Variants in EHHADH observed in about 807,000 individuals in gnomAD.
EHHADH encodes the protein enoyl-CoA hydratase and 3-hydroxyacyl CoA dehydrogenase.
A neutral mutation model predicts 64.4 loss-of-function variants in EHHADH; 48 were observed. The observed-to-expected ratio is 0.75, with a 90% CI of 0.59 to 0.95. The LOEUF is 0.95. EHHADH is among the 40% of genes least tolerant of loss of function. The pLI, the probability that EHHADH is intolerant of heterozygous loss-of-function variation, is 0.00. For synonymous variants in EHHADH, 308 were observed against 326.7 expected, an observed-to-expected ratio of 0.94 and a Z score of 0.62; for missense variants, 854 against 876.6, an observed-to-expected ratio of 0.97 and a Z score of 0.33.
At chr3:185,211,093 C>A (rs1718528937) in intron 5 of EHHADH, among the ~76,000 whole-genome samples, 1 of 152,174 alleles carries the variant, frequency 6.6e-6, no homozygotes, top group Non-Finnish European at 1.5e-5. Flanking sequence ...CTTGCTACAG[C>A]TATAACTAAG....
chr3:185,229,064 G>T (rs1413876512), intron 4 of EHHADH, among the ~76,000 whole-genome samples: 1 of 152,146 alleles, frequency 6.6e-6, no homozygotes, highest in Non-Finnish European at 1.5e-5. Context: ...CCAAAGTGCT[G>T]GGATTACAGG....
intron 4 of EHHADH, among the ~76,000 whole-genome samples, chr3:185,221,597 T>C (rs1321160387): frequency 8.2e-6 from 1 of 122,596 alleles, no homozygotes; most frequent in East Asian, 2.2e-4. Flanking sequence ...TTTTTTGAGA[T>C]GGAGTCTCAC....
intron 5 of EHHADH, among the ~76,000 whole-genome samples, chr3:185,206,482 T>C (rs559810134): frequency 6.6e-6 from 1 of 152,058 alleles, no homozygotes; most frequent in African/African-American, 2.4e-5. Context: ...AAACAAGAAA[T>C]CAGACTTCAT....
chr3:185,199,217 T>C (rs181555426), intron 6 of EHHADH, among the ~76,000 whole-genome samples: 133 of 152,312 alleles, frequency 8.7e-4, no homozygotes, highest in African/African-American at 3.1e-3. Flanking sequence ...AGAAATATTT[T>C]AAGCAAAGGC....
At chr3:185,230,008 A>G (rs749578913) in intron 3 of EHHADH, among the ~76,000 whole-genome samples, 2 of 152,244 alleles carry the variant, frequency 1.3e-5, no homozygotes, top group African/African-American at 2.4e-5. Flanking sequence ...AAAAATGGGC[A>G]AACGATCTGG....
intron 6 of EHHADH, among the ~76,000 whole-genome samples, chr3:185,194,084 A>C (rs994710851): frequency 6.6e-6 from 1 of 152,234 alleles, no homozygotes; most frequent in Non-Finnish European, 1.5e-5. Context: ...CCTAAAATTC[A>C]CATAGAAATG....
intron 2 of EHHADH, among the ~76,000 whole-genome samples, chr3:185,238,430 A>G (rs1256908265): frequency 6.6e-6 from 1 of 151,966 alleles, no homozygotes; most frequent in African/African-American, 2.4e-5. Context: ...TTGTTGTTTT[A>G]CTTTTTAATA....
intron 1 of EHHADH, among the ~76,000 whole-genome samples, chr3:185,251,918 G>A (rs1362103946): frequency 6.6e-6 from 1 of 152,102 alleles, no homozygotes; most frequent in South Asian, 2.1e-4. Context: ...TGTTTTTGGG[G>A]CTTGAACAGG....
intron 4 of EHHADH, 36 bp from the exon 5 acceptor site, chr3:185,218,276 A>C: frequency 6.8e-7 from 1 of 1,477,934 alleles, no homozygotes; most frequent in Non-Finnish European, 9.4e-7. Context: ...CAACAAATCA[A>C]AGAGCGATGT....
intron 1 of EHHADH, among the ~76,000 whole-genome samples, chr3:185,249,309 T>C (rs1005255257): frequency 2.6e-5 from 4 of 152,180 alleles, no homozygotes; most frequent in African/African-American, 9.6e-5. Flanking sequence ...TTTGTATTTT[T>C]AGTAGAGACG....
At chr3:185,206,786 C>T (rs1250967991) in intron 5 of EHHADH, among the ~76,000 whole-genome samples, 4 of 151,860 alleles carry the variant, frequency 2.6e-5, no homozygotes, top group African/African-American at 7.3e-5. Context: ...CGAGATCATG[C>T]CATTGCACTC....
At chr3:185,245,577 G>T in intron 2 of EHHADH, 1 of 794,516 alleles carries the variant, frequency 1.3e-6, no homozygotes, top group Non-Finnish European at 2.2e-6. Context: ...AATAAGAGTT[G>T]CATGTCCTTC....
At position 185,193,039 on chromosome 3, in the gene EHHADH, G is replaced by C. The variant is rs750531920; in HGVS notation, c.1359C>G (p.Pro453=). The C allele has an allele frequency of 6.2e-7, 1 of 1,614,222 alleles. No individual in the cohort carries two copies. The highest frequency in any genetic ancestry group is 8.5e-7 in the Non-Finnish European group (1 of 1,180,036). Residue 453 remains proline (P), a synonymous_variant, in exon 7 of 7, where the codon CCC becomes CCG. Transcript: ENST00000231887. Reference sequence around the variant, plus strand: ...AGTTCATAACAGTGGCAATGGTAGTGGGGGAAGAGTATTGGCTGGGAATAA... The same window carrying C: ...AGTTCATAACAGTGGCAATGGTAGTCGGGGAAGAGTATTGGCTGGGAATAA... ...LEVIPSQYSS[P]TTIATVMNLS...
Position 185,213,119 on chromosome 3 carries a change from C to CAAAAAAAAAAAAAAAA in EHHADH, c.568+5001_568+5016dup, listed in dbSNP as rs550233979. On this transcript the variant is annotated intron_variant, in intron 5 of 6. Coordinates refer to ENST00000231887, the MANE Select transcript of EHHADH (RefSeq NM_001966.4). ...TGGGTGAAGAAGCAAGACTCTGTCT[C>CAAAAAAAAAAAAAAAA]AAAAAAAAAAAAAAAAAAAAAAAAA... 2.6e-3 allele frequency among the ~76,000 whole-genome samples: 114 copies of CAAAAAAAAAAAAAAAA among 43,054 alleles called. 23 individuals carry two copies. Among genetic ancestry groups the CAAAAAAAAAAAAAAAA allele is most frequent in the East Asian group, 5.1e-3 (4 of 784 alleles). The allele number at this position is 43,054 out of a possible 152,430, so 28.2% of individuals were successfully genotyped here.
Position 185,248,537 on chromosome 3 carries a change from A to G in EHHADH, c.75-20T>C, listed in dbSNP as rs1290553075. The G allele has an allele frequency of 3.9e-6, 6 of 1,540,194 alleles. No homozygotes were observed. The highest frequency in any genetic ancestry group is 5.4e-6 in the Non-Finnish European group (6 of 1,117,964). On this transcript the variant is annotated intron_variant, in intron 1 of 6. Coordinates refer to ENST00000231887, the MANE Select transcript of EHHADH (RefSeq NM_001966.4). ...GTCGTACTAAAAGAAAACAAAATAC[A>G]TGAAGTAAATCAGTCAGAATTAAAT...
At chr3:185,215,528 G>A (rs1718660003) in intron 5 of EHHADH, among the ~76,000 whole-genome samples, 1 of 152,042 alleles carries the variant, frequency 6.6e-6, no homozygotes, top group East Asian at 1.9e-4. Flanking sequence ...ATGGGAAAGG[G>A]GTATGAGAAT....
At chr3:185,215,493 G>A (rs574892379) in intron 5 of EHHADH, among the ~76,000 whole-genome samples, 5 of 152,192 alleles carry the variant, frequency 3.3e-5, no homozygotes, top group South Asian at 2.1e-4. Context: ...GGTTGCCTGC[G>A]GCCAAGGGGA....
chr3:185,223,963 A>C (rs1225918661), intron 4 of EHHADH, among the ~76,000 whole-genome samples: 1 of 152,242 alleles, frequency 6.6e-6, no homozygotes, highest in Admixed American at 6.5e-5. Context: ...GTTCATTTTC[A>C]GACGGCATTC....
chr3:185,197,139 G>A (rs891001938), intron 6 of EHHADH, among the ~76,000 whole-genome samples: 3 of 152,116 alleles, frequency 2.0e-5, no homozygotes, highest in African/African-American at 7.2e-5. Context: ...AAGGGTGATG[G>A]AGAGTGACTG....
Sources: gnomAD v4.1 joint callset for allele counts (sites outside exome capture counted in the v4.1 genomes callset) on GRCh38, gnomAD v4.1.1 for gene constraint, MANE v1.5 for transcripts, NCBI Gene and HGNC (gene_info 2026-07-23, HGNC 2026-07-21) for gene names.